Variants in BLTP3B observed in about 807,000 individuals in gnomAD.
BLTP3B encodes the protein bridge-like lipid transfer protein family member 3B, also known as UHRF1 (ICBP90) binding protein 1-like.
chr12:100,043,339 G>A, the BLTP3B span, among the ~76,000 whole-genome samples: 3 of 152,126 alleles, frequency 2.0e-5, no homozygotes, highest in South Asian at 2.1e-4. Context: ...TTGTGAAAAC[G>A]CTATTCTTTC....
At chr12:100,057,102 A>G in the BLTP3B span, among the ~76,000 whole-genome samples, 11 of 152,234 alleles carry the variant, frequency 7.2e-5, 1 homozygote, top group Admixed American at 5.2e-4. Flanking sequence ...AATTTTGTAA[A>G]TCAGTAGAAT....
chr12:100,048,771 A>AGTGAGT, the BLTP3B span, among the ~76,000 whole-genome samples: 42 of 115,022 alleles, frequency 3.7e-4, no homozygotes, highest in African/African-American at 1.4e-3. Context: ...AGTGAGAGTG[A>AGTGAGT]GTGTGTGTGT....
the BLTP3B span, among the ~76,000 whole-genome samples, chr12:100,140,729 A>AAAAATATATATATATATAT: frequency 1.6e-5 from 1 of 61,490 alleles, no homozygotes; most frequent in African/African-American, 1.0e-4. Context: ...AAAAAAAAAA[A>AAAAATATATATATATATAT]ATATATATAT....
chr12:100,097,324 C>T, the BLTP3B span: 1 of 1,574,832 alleles, frequency 6.3e-7, no homozygotes, highest in Non-Finnish European at 8.6e-7. Context: ...TCAAATCCAA[C>T]AGTTAACACA....
At chr12:100,051,123 T>C in the BLTP3B span, 6,392 of 1,614,088 alleles carry the variant, frequency 4.0e-3, 217 homozygotes, top group African/African-American at 0.072. Context: ...TTTGTACTGA[T>C]GGCATCTGGA....
At chr12:100,098,654 C>T in the BLTP3B span, 21 of 1,147,994 alleles carry the variant, frequency 1.8e-5, 1 homozygote, top group Admixed American at 3.0e-4. Context: ...GTACTCCCAG[C>T]ACTTTGGGAG....
chr12:100,116,392 G>C, the BLTP3B span, among the ~76,000 whole-genome samples: 1 of 148,352 alleles, frequency 6.7e-6, no homozygotes, highest in Non-Finnish European at 1.5e-5. Flanking sequence ...AGGTGGAGTT[G>C]GTGCCTAGAT....
chr12:100,124,922 A>T, the BLTP3B span, among the ~76,000 whole-genome samples: 2 of 99,860 alleles, frequency 2.0e-5, no homozygotes, highest in South Asian at 3.6e-4. Context: ...ACCCTGCCTT[A>T]AAAAAAAAAA....
the BLTP3B span, chr12:100,058,226 C>T: frequency 4.1e-5 from 66 of 1,612,406 alleles, 1 homozygote; most frequent in South Asian, 3.5e-4. Flanking sequence ...AAAGTATATT[C>T]GAATCTTCTC....
the BLTP3B span, among the ~76,000 whole-genome samples, chr12:100,105,871 C>CA: frequency 2.0e-5 from 3 of 151,862 alleles, no homozygotes; most frequent in Non-Finnish European, 4.4e-5. Flanking sequence ...AGAAAAAAAA[C>CA]ACGCCCATTA....
the BLTP3B span, among the ~76,000 whole-genome samples, chr12:100,139,060 G>A: frequency 6.6e-6 from 1 of 152,034 alleles, no homozygotes; most frequent in African/African-American, 2.4e-5. Context: ...TCCTTCAAAA[G>A]CTTTTCCTGT....
chr12:100,075,959 G>A, the BLTP3B span, among the ~76,000 whole-genome samples: 1 of 152,232 alleles, frequency 6.6e-6, no homozygotes, highest in South Asian at 2.1e-4. Flanking sequence ...CCAAAAGGAG[G>A]ATGGGAGGAA....
the BLTP3B span, among the ~76,000 whole-genome samples, chr12:100,049,748 A>G: frequency 1.9e-4 from 29 of 152,320 alleles, no homozygotes; most frequent in Admixed American, 1.1e-3. Flanking sequence ...CCATAGCAAG[A>G]AAAACAAGAG....
At chr12:100,130,893 C>A in the BLTP3B span, among the ~76,000 whole-genome samples, 1 of 147,770 alleles carries the variant, frequency 6.8e-6, no homozygotes, top group African/African-American at 2.5e-5. Context: ...CATGCCTGGG[C>A]AACAAGAATG....
At chr12:100,123,129 C>CAGG in the BLTP3B span, among the ~76,000 whole-genome samples, 1 of 152,160 alleles carries the variant, frequency 6.6e-6, no homozygotes, top group African/African-American at 2.4e-5. Context: ...TCCAAGAGAG[C>CAGG]AGGGATCTTG....
the BLTP3B span, among the ~76,000 whole-genome samples, chr12:100,107,946 T>C: frequency 6.6e-6 from 1 of 152,108 alleles, no homozygotes; most frequent in Non-Finnish European, 1.5e-5. Context: ...CTCATTATGT[T>C]ACCCAGGCTA....
At chr12:100,085,111 C>T in the BLTP3B span, among the ~76,000 whole-genome samples, 3 of 152,120 alleles carry the variant, frequency 2.0e-5, no homozygotes, top group Admixed American at 6.6e-5. Context: ...ACCAATAAAA[C>T]TTCTCAAGAT....
At chr12:100,076,102 A>C in the BLTP3B span, among the ~76,000 whole-genome samples, 1 of 151,634 alleles carries the variant, frequency 6.6e-6, no homozygotes, top group Non-Finnish European at 1.5e-5. Context: ...CTGAGTTTAC[A>C]ATAAAAGTTG....
chr12:100,057,322 C>A, the BLTP3B span, among the ~76,000 whole-genome samples: 1 of 151,956 alleles, frequency 6.6e-6, no homozygotes, highest in Admixed American at 6.6e-5. Context: ...TGCATAGTCC[C>A]TGTATGTATA....
Sources: allele counts gnomAD v4.1 joint callset (sites outside exome capture counted in the v4.1 genomes callset), GRCh38; gene constraint gnomAD v4.1.1; transcripts MANE v1.5; gene names NCBI Gene and HGNC (gene_info 2026-07-23, HGNC 2026-07-21).